The following NAALADL2 variants were observed in gnomAD, a reference collection of about 807,000 sequenced individuals.
NAALADL2 encodes the protein N-acetylated alpha-linked acidic dipeptidase like 2, also known as inactive N-acetylated-alpha-linked acidic dipeptidase-like protein 2.
Under a neutral mutation model 87.2 loss-of-function variants are expected in NAALADL2, and 76 were observed. That is an observed-to-expected ratio of 0.87 (90% confidence interval 0.72 to 1.05). NAALADL2 has a LOEUF of 1.05. NAALADL2 is among the 50% of genes least tolerant of loss of function. The pLI is 0.00. For synonymous variants in NAALADL2, 354 were observed against 331.0 expected, an observed-to-expected ratio of 1.07 and a Z score of -0.75; for missense variants, 1,089 against 945.8, an observed-to-expected ratio of 1.15 and a Z score of -1.99.
intron 2 of NAALADL2, among the ~76,000 whole-genome samples, chr3:175,125,604 T>C (rs1010021049): frequency 1.1e-4 from 17 of 152,038 alleles, no homozygotes; most frequent in Admixed American, 4.6e-4. Context: ...TACTTTTACA[T>C]TTTTTGGCCT....
chr3:175,242,953 A>G (rs895865088), intron 3 of NAALADL2, among the ~76,000 whole-genome samples: 37 of 152,196 alleles, frequency 2.4e-4, no homozygotes, highest in African/African-American at 8.9e-4. Context: ...GACTGGAACA[A>G]TTGATTCAAT....
At chr3:174,827,907 G>A (rs1023136462) in intron 3 of NAALADL2, among the ~76,000 whole-genome samples, 3 of 152,062 alleles carry the variant, frequency 2.0e-5, no homozygotes, top group Non-Finnish European at 4.4e-5. Flanking sequence ...TTCCTGACTG[G>A]GTGCTATGCT....
At chr3:174,537,148 G>A (rs1721796453) in intron 1 of NAALADL2, among the ~76,000 whole-genome samples, 1 of 152,120 alleles carries the variant, frequency 6.6e-6, no homozygotes, top group East Asian at 1.9e-4. Flanking sequence ...TGAGCCATAT[G>A]CTTTGCTAAG....
At chr3:174,810,210 T>A (rs1342879685) in intron 3 of NAALADL2, among the ~76,000 whole-genome samples, 9 of 152,284 alleles carry the variant, frequency 5.9e-5, no homozygotes, top group South Asian at 2.1e-4. Flanking sequence ...TAAAAATACC[T>A]GTAAATGTGG....
intron 5 of NAALADL2, among the ~76,000 whole-genome samples, chr3:175,420,565 C>T (rs925712575): frequency 6.6e-6 from 1 of 151,884 alleles, no homozygotes; most frequent in Non-Finnish European, 1.5e-5. Context: ...CTGTTAATAG[C>T]CCAGCATATA....
chr3:175,388,494 A>G (rs1038749995), intron 5 of NAALADL2, among the ~76,000 whole-genome samples: 2 of 152,168 alleles, frequency 1.3e-5, no homozygotes, highest in African/African-American at 2.4e-5. Context: ...GGAAATGCTT[A>G]CAAATATTTC....
intron 5 of NAALADL2, among the ~76,000 whole-genome samples, chr3:175,400,766 C>T (rs574018909): frequency 6.6e-6 from 1 of 152,204 alleles, no homozygotes; most frequent in African/African-American, 2.4e-5. Context: ...CTCTTCCCTA[C>T]TGTAACTATC....
At chr3:175,456,382 C>G (rs139689755) in intron 6 of NAALADL2, among the ~76,000 whole-genome samples, 29 of 152,064 alleles carry the variant, frequency 1.9e-4, no homozygotes, top group Non-Finnish European at 3.7e-4. Flanking sequence ...CTTCACATGT[C>G]ATAATTAAAG....
At chr3:174,836,054 T>C (rs942036764) in intron 3 of NAALADL2, among the ~76,000 whole-genome samples, 2 of 152,190 alleles carry the variant, frequency 1.3e-5, no homozygotes, top group Non-Finnish European at 2.9e-5. Context: ...CTCATGTTCA[T>C]AGGAGCATCA....
chr3:175,496,118 A>C (rs2149356845), intron 9 of NAALADL2, among the ~76,000 whole-genome samples: 1 of 152,244 alleles, frequency 6.6e-6, no homozygotes, highest in Non-Finnish European at 1.5e-5. Flanking sequence ...GAGATAATGC[A>C]AATAGTAAGT....
At chr3:174,950,540 C>G (rs1028791659) in intron 1 of NAALADL2, among the ~76,000 whole-genome samples, 1 of 151,990 alleles carries the variant, frequency 6.6e-6, no homozygotes, top group Admixed American at 6.6e-5. Flanking sequence ...AGCTAGGATC[C>G]TTTTTAAATC....
At chr3:175,031,388 C>T (rs148574412) in intron 1 of NAALADL2, among the ~76,000 whole-genome samples, 12 of 152,092 alleles carry the variant, frequency 7.9e-5, no homozygotes, top group Non-Finnish European at 1.5e-4. Flanking sequence ...CCTGTTTCTG[C>T]ATTAATTCAC....
At chr3:174,461,656 A>G (rs1173579738) in intron 1 of NAALADL2, among the ~76,000 whole-genome samples, 1 of 152,134 alleles carries the variant, frequency 6.6e-6, no homozygotes, top group Non-Finnish European at 1.5e-5. Flanking sequence ...AATGTGAAAT[A>G]AAATTTAATG....
chr3:174,713,376 C>A (rs1560165873), intron 2 of NAALADL2, among the ~76,000 whole-genome samples: 1 of 152,172 alleles, frequency 6.6e-6, no homozygotes, highest in Non-Finnish European at 1.5e-5. Context: ...GAGGAATCGC[C>A]ACACTGACTT....
At chr3:175,110,290 T>A (rs1182825893) in intron 2 of NAALADL2, among the ~76,000 whole-genome samples, 1 of 151,890 alleles carries the variant, frequency 6.6e-6, no homozygotes, top group African/African-American at 2.4e-5. Context: ...CTTTGCTAAT[T>A]ATATACAATT....
At chr3:174,670,776 G>A (rs1322527577) in intron 2 of NAALADL2, among the ~76,000 whole-genome samples, 1 of 151,960 alleles carries the variant, frequency 6.6e-6, no homozygotes, top group Non-Finnish European at 1.5e-5. Flanking sequence ...GCAGTGAACT[G>A]ATACTTTCTA....
intron 13 of NAALADL2, among the ~76,000 whole-genome samples, chr3:175,760,217 T>A (rs1747820989): frequency 6.6e-6 from 1 of 152,140 alleles, no homozygotes; most frequent in Non-Finnish European, 1.5e-5. Flanking sequence ...CAGGATTGAG[T>A]ACTGGAAAGG....
At chr3:175,086,142 A>G (rs1337322628) in intron 1 of NAALADL2, among the ~76,000 whole-genome samples, 3 of 152,196 alleles carry the variant, frequency 2.0e-5, no homozygotes, top group African/African-American at 7.2e-5. Flanking sequence ...GATCTGATAT[A>G]TTTGGAATGA....
intron 1 of NAALADL2, among the ~76,000 whole-genome samples, chr3:175,028,422 C>T (rs1752449467): frequency 6.6e-6 from 1 of 151,926 alleles, no homozygotes; most frequent in Non-Finnish European, 1.5e-5. Context: ...GATTAAGATT[C>T]CCGGTATGTC....
Sources: gnomAD v4.1 joint callset for allele counts (sites outside exome capture counted in the v4.1 genomes callset) on GRCh38, gnomAD v4.1.1 for gene constraint, MANE v1.5 for transcripts, NCBI Gene and HGNC (gene_info 2026-07-23, HGNC 2026-07-21) for gene names.